Variants in F11 observed in about 807,000 individuals in gnomAD.
F11 encodes the protein coagulation factor XI.
F11 carries 78 observed loss-of-function variants against 76.5 expected under a neutral mutation model. The observed-to-expected ratio is 1.02, with a 90% CI of 0.85 to 1.23. F11 has a LOEUF of 1.23. Ranked by LOEUF, F11 falls within the 50% of genes most tolerant of loss-of-function variation. The pLI is 0.00. For missense variants in F11, 742 were observed against 771.4 expected (o/e 0.96, Z 0.45); for synonymous variants, 278 against 276.3 (o/e 1.01, Z -0.06).
chr4:186,276,337 C>T lies in F11; in HGVS notation c.702C>T (p.Pro234=), dbSNP rs758727357. 5 of 1,614,056 alleles carry T rather than the reference C, an allele frequency of 3.1e-6. No homozygotes were observed. The highest frequency in any genetic ancestry group is 1.7e-5 in the Admixed American group (1 of 60,000). The part of the protein sequence containing the change: ...FVCGRICTHH[P]GCLFFTFFSQ... ...GTGGCCGAATCTGCACTCATCATCC[C>T]GGTTGCTTGTTTTTTACCTTCTTTT... is the stretch of plus-strand genomic sequence containing the variant. Residue 234 remains proline (P), a synonymous_variant, in exon 7 of 15, where the codon CCC becomes CCT. Coordinates refer to ENST00000403665, the MANE Select transcript of F11 (RefSeq NM_000128.4).
At chr4:186,288,315 C>G in intron 14 of F11, 138 bp from the exon 15 acceptor site, 1 of 996,404 alleles carries the variant, frequency 1.0e-6, no homozygotes, top group Non-Finnish European at 1.6e-6. Context: ...ACTGGATGAA[C>G]GCAAGCACCC....
intron 2 of F11, among the ~76,000 whole-genome samples, 186 bp downstream of exon 2, chr4:186,267,377 T>A (rs1284290198): frequency 6.6e-6 from 1 of 152,256 alleles, no homozygotes; most frequent in Non-Finnish European, 1.5e-5. Flanking sequence ...TTGTTTGTAC[T>A]GGTAGGAATC....
At chr4:186,272,679 C>T (rs1193304019) in intron 3 of F11, among the ~76,000 whole-genome samples, 1 of 152,164 alleles carries the variant, frequency 6.6e-6, no homozygotes, top group Admixed American at 6.5e-5. Flanking sequence ...ATATGTTAGG[C>T]TTTGTGGGCA....
chr4:186,287,857 C>G (rs1741325816), intron 14 of F11, 34 bp downstream of exon 14: 1 of 1,601,318 alleles, frequency 6.2e-7, no homozygotes, highest in African/African-American at 1.3e-5. Context: ...GGAATATATG[C>G]AAATTGGAAT....
intron 1 of F11, among the ~76,000 whole-genome samples, chr4:186,266,704 T>C (rs1739523833): frequency 6.6e-6 from 1 of 152,052 alleles, no homozygotes; most frequent in Admixed American, 6.6e-5. Flanking sequence ...GAAAATTTTC[T>C]AAGTAGGAAA....
intron 10 of F11, chr4:186,283,143 A>G: frequency 1.4e-6 from 1 of 726,306 alleles, no homozygotes; most frequent in Non-Finnish European, 1.7e-6. Context: ...TTACTGAGTC[A>G]GAATCTGCAT....
chr4:186,286,562 C>A, intron 13 of F11, 52 bp downstream of exon 13: 5 of 1,606,322 alleles, frequency 3.1e-6, no homozygotes, highest in Non-Finnish European at 4.3e-6. Context: ...AGAGCGGAAC[C>A]TTTTCTGCCC....
At position 186,289,348 on chromosome 4, in the gene F11, G is replaced by A. The variant is rs1226671894; in HGVS notation, c.*734G>A. 1.3e-5 allele frequency among the ~76,000 whole-genome samples: 2 copies of A among 152,148 alleles called. No individual in the cohort carries two copies. The highest frequency in any genetic ancestry group is 4.8e-5 in the African/African-American group (2 of 41,410). On this transcript the variant is annotated 3_prime_UTR_variant, in exon 15 of 15. Transcript: ENST00000403665. ...TATATTTATTTAAAATATCTTGGGA[G>A]GGGAGGCTGATGGAGATAGGGAGCA...
intron 7 of F11, among the ~76,000 whole-genome samples, chr4:186,278,584 T>G (rs1254525286): frequency 6.6e-6 from 1 of 152,120 alleles, no homozygotes; most frequent in Admixed American, 6.6e-5. Flanking sequence ...GACCACGGAT[T>G]GTGAAGGAGT....
intron 3 of F11, among the ~76,000 whole-genome samples, chr4:186,272,507 G>A (rs956176143): frequency 2.0e-5 from 3 of 152,128 alleles, no homozygotes; most frequent in Non-Finnish European, 4.4e-5. Context: ...CCCATCCTGA[G>A]CTTGAAAATT....
intron 10 of F11, 22 bp from the exon 11 acceptor site, chr4:186,284,070 C>T (rs764957930): frequency 4.3e-6 from 7 of 1,614,014 alleles, no homozygotes; most frequent in African/African-American, 4.0e-5. Context: ...GGAAGCTGCT[C>T]ATCACAATGC....
intron 10 of F11, chr4:186,282,086 C>T: frequency 1.7e-6 from 2 of 1,206,026 alleles, no homozygotes; most frequent in Non-Finnish European, 2.2e-6. Flanking sequence ...TGTCTTTCTT[C>T]TACTTCTAAG....
intron 6 of F11, 44 bp from the exon 7 acceptor site, chr4:186,276,187 T>C (rs1357498422): frequency 3.7e-6 from 6 of 1,612,840 alleles, no homozygotes; most frequent in South Asian, 2.2e-5. Context: ...ATTTTCCTGA[T>C]AGCTGGTGAA....
In F11 at chr4:186,275,841, G is replaced by A; in HGVS notation, c.540G>A (p.Lys180=). The A allele has an allele frequency of 6.2e-7, 1 of 1,613,664 alleles. No homozygotes were observed. The stretch of plus-strand genomic sequence containing the variant: ...CAGGGACACCAACCAGAATAACGAA[G>A]CTCGATAAAGTGGTGTCTGGATTTT... The part of the protein sequence containing the change: ...TQTGTPTRIT[K]LDKVVSGFSL... Residue 180 remains lysine, a synonymous_variant, in exon 6 of 15, where the codon AAG becomes AAA. Transcript: ENST00000403665.
At chr4:186,284,534 A>G (rs959689655) in intron 11 of F11, among the ~76,000 whole-genome samples, 9 of 152,144 alleles carry the variant, frequency 5.9e-5, no homozygotes, top group Admixed American at 5.9e-4. Context: ...TCCCTGCAAG[A>G]GCATACCTCC....
chr4:186,273,186 T>C lies in F11; in HGVS notation c.325+9T>C, dbSNP rs1223030273. On this transcript the variant is annotated intron_variant, in intron 4 of 14. Transcript: ENST00000403665. ...CTCACACCAAATAAGCGGTAAGATA[T>C]GTTCTCAGAATCAACAAATACCAGC... 1 of 1,600,216 alleles carries C rather than the reference T, an allele frequency of 6.2e-7. No homozygotes were observed. Among genetic ancestry groups the C allele is most frequent in the Non-Finnish European group, 8.6e-7 (1 of 1,167,510 alleles).
In F11 at chr4:186,288,947, A is replaced by C. The variant is rs1741409561; in HGVS notation, c.*333A>C. 1 of 334,940 alleles carries C rather than the reference A, an allele frequency of 3.0e-6. No individual in the cohort carries two copies. The highest frequency in any genetic ancestry group is 2.6e-5 in the South Asian group (1 of 38,092). The allele number at this position is 334,940 out of a possible 1,614,324, so 20.7% of individuals were successfully genotyped here. Reference sequence around the variant, plus strand: ...CAAGTAGTGGCAGTGGGGATCAGGCAGAAGAACTGGTAAAAGAAGCCACCA... The same window carrying C: ...CAAGTAGTGGCAGTGGGGATCAGGCCGAAGAACTGGTAAAAGAAGCCACCA... On this transcript the variant is annotated 3_prime_UTR_variant, in exon 15 of 15. Coordinates refer to ENST00000403665, the MANE Select transcript of F11 (RefSeq NM_000128.4).
rs771338302 is a variant in F11 at position 186,280,371 on chromosome 4, C to A, written c.1014C>A (p.Ser338=). ...QFFTYTPAQA[S]CNEGKGKCYL... ...TTACCTATACCCCAGCCCAAGCATCCTGCAACGAAGGGAAGTAAGCCATAT... is the reference window on the plus strand; with the variant it reads ...TTACCTATACCCCAGCCCAAGCATCATGCAACGAAGGGAAGTAAGCCATAT... The change falls in exon 9 of 15, where the codon TCC becomes TCA. Residue 338 remains serine, a synonymous_variant. Coordinates refer to ENST00000403665, the MANE Select transcript of F11 (RefSeq NM_000128.4). 2 of 1,614,230 alleles carry A rather than the reference C, an allele frequency of 1.2e-6. No individual in the cohort carries two copies. Among genetic ancestry groups the A allele is most frequent in the Admixed American group, 3.3e-5 (2 of 60,024 alleles).
At chr4:186,270,198 G>A (rs1223901274) in intron 2 of F11, among the ~76,000 whole-genome samples, 3 of 152,130 alleles carry the variant, frequency 2.0e-5, no homozygotes, top group South Asian at 2.1e-4. Flanking sequence ...AAGAAGTCTC[G>A]ATACAACGTC....
Sources: gnomAD v4.1 joint callset for allele counts (sites outside exome capture counted in the v4.1 genomes callset) on GRCh38, gnomAD v4.1.1 for gene constraint, MANE v1.5 for transcripts, NCBI Gene and HGNC (gene_info 2026-07-23, HGNC 2026-07-21) for gene names.